The following ZGPAT variants were observed in gnomAD, a reference collection of about 807,000 sequenced individuals.
The protein encoded by ZGPAT is zinc finger CCCH-type and G-patch domain containing.
Under a neutral mutation model 47.9 loss-of-function variants are expected in ZGPAT, and 39 were observed. The observed-to-expected ratio is 0.81, with a 90% confidence interval of 0.63 to 1.06. The LOEUF (loss-of-function observed/expected upper bound fraction) is 1.06. ZGPAT is among the 50% of genes least tolerant of loss of function. The pLI, the probability that ZGPAT is intolerant of heterozygous loss-of-function variation, is 0.00. For missense variants in ZGPAT, 717 were observed against 681.4 expected, an observed-to-expected ratio of 1.05 and a Z score of -0.58; for synonymous variants, 348 against 292.9, an observed-to-expected ratio of 1.19 and a Z score of -1.92.
intron 2 of ZGPAT, among the ~76,000 whole-genome samples, chr20:63,715,860 G>A (rs2091723215): frequency 6.6e-6 from 1 of 150,712 alleles, no homozygotes; most frequent in African/African-American, 2.4e-5. Flanking sequence ...AGAGAGAGAT[G>A]GACTTTTCTT....
chr20:63,717,774 G>A (rs1375527014), intron 2 of ZGPAT, among the ~76,000 whole-genome samples: 1 of 152,138 alleles, frequency 6.6e-6, no homozygotes, highest in Non-Finnish European at 1.5e-5. Context: ...CAGGCACAGT[G>A]GCTCACACCT....
At chr20:63,721,362 A>T (rs1424493874) in intron 2 of ZGPAT, among the ~76,000 whole-genome samples, 3 of 151,922 alleles carry the variant, frequency 2.0e-5, no homozygotes, top group African/African-American at 7.3e-5. Context: ...AAATAAAAAA[A>T]AAAAAAAAAA....
At chr20:63,716,773 C>T (rs1368872817) in intron 2 of ZGPAT, among the ~76,000 whole-genome samples, 1 of 152,138 alleles carries the variant, frequency 6.6e-6, no homozygotes, top group East Asian at 1.9e-4. Flanking sequence ...CCTCCGACTC[C>T]CAGATTCCAG....
chr20:63,707,603 C>G (rs1176337301), upstream of ZGPAT: 1 of 153,594 alleles, frequency 6.5e-6, no homozygotes, highest in African/African-American at 2.4e-5. Flanking sequence ...GGGGACGGCC[C>G]TGGGGGGAGC....
intron 2 of ZGPAT, among the ~76,000 whole-genome samples, chr20:63,732,427 AT>A (rs2091921121): frequency 3.4e-5 from 1 of 29,758 alleles, no homozygotes; most frequent in East Asian, 5.0e-4. Flanking sequence ...TGGGTGAGAG[AT>A]GTGTGCGCAT....
intron 2 of ZGPAT, among the ~76,000 whole-genome samples, chr20:63,729,038 T>G (rs1452614813): frequency 1.3e-5 from 2 of 150,802 alleles, no homozygotes; most frequent in Non-Finnish European, 3.0e-5. Context: ...TTTTTTCTTT[T>G]TTTTTTTTTT....
intron 2 of ZGPAT, among the ~76,000 whole-genome samples, chr20:63,728,501 C>T (rs1277921084): frequency 6.6e-6 from 1 of 152,138 alleles, no homozygotes; most frequent in Non-Finnish European, 1.5e-5. Context: ...TCAGCCAGCC[C>T]CTCTCTCTTT....
Position 63,708,653 on chromosome 20 carries a change from G to A in ZGPAT, c.73G>A (p.Gly25Ser). 1 of 1,612,546 alleles carries A rather than the reference G, an allele frequency of 6.2e-7. No homozygotes were observed. Among genetic ancestry groups the A allele is most frequent in the Non-Finnish European group, 8.5e-7 (1 of 1,179,758 alleles). ...AQLQQVELAL[G>S]AGLDSSEQAD... is the part of the protein sequence containing the mutation. ...GCTGCAGCAGGTGGAGCTGGCCTTG[G>A]GCGCCGGCCTGGATTCGTCTGAGCA... Residue 25 changes from glycine to serine, a missense_variant, in exon 2 of 7, where the codon GGC becomes AGC. Gly to Ser is a moderately conservative substitution (Grantham distance 56). Coordinates refer to ENST00000355969, the MANE Select transcript of ZGPAT (RefSeq NM_181485.3).
At chr20:63,723,167 A>T (rs111284425) in intron 2 of ZGPAT, among the ~76,000 whole-genome samples, 1 of 128,894 alleles carries the variant, frequency 7.8e-6, no homozygotes. Context: ...TTCTCCTATG[A>T]CACAGCTCCA....
chr20:63,733,960 G>A lies in ZGPAT; in HGVS notation c.871+221G>A. ...GCAACAGCTACAGTCTCATTGATGG[G>A]AGGCCATGGTCGTGGCTGTGGCCAT... On this transcript the variant is annotated intron_variant, in intron 4 of 6. Coordinates refer to ENST00000355969, the MANE Select transcript of ZGPAT (RefSeq NM_181485.3). 3 of 604,346 alleles carry A rather than the reference G, an allele frequency of 5.0e-6. No individual in the cohort carries two copies. In the South Asian group the frequency reaches 6.2e-5, roughly 13 times the overall value. The allele number at this position is 604,346 out of a possible 1,614,324, so 37.4% of individuals were successfully genotyped here. A position where few individuals can be genotyped will look rare whatever the true frequency, so the allele number is the denominator to read the frequency against.
intron 2 of ZGPAT, among the ~76,000 whole-genome samples, chr20:63,731,572 G>T (rs2091903963): frequency 6.7e-6 from 1 of 149,132 alleles, no homozygotes; most frequent in East Asian, 2.1e-4. Flanking sequence ...GTGTGTATGT[G>T]TGCATGTGCA....
intron 2 of ZGPAT, among the ~76,000 whole-genome samples, chr20:63,714,294 T>C (rs2091703132): frequency 6.6e-6 from 1 of 151,538 alleles, no homozygotes. Flanking sequence ...GGTGAGGTGA[T>C]GTGCACCTGT....
At chr20:63,719,193 TTCTC>T (rs2091762871) in intron 2 of ZGPAT, among the ~76,000 whole-genome samples, 1 of 152,194 alleles carries the variant, frequency 6.6e-6, no homozygotes, top group African/African-American at 2.4e-5. Flanking sequence ...TTTTAGGAGA[TTCTC>T]TATCTTTGGG....
Position 63,733,105 on chromosome 20 carries a change from CGT to C in ZGPAT, c.585-107_585-106del, listed in dbSNP as rs1046537977. 604 of 1,387,612 alleles carry C rather than the reference CGT, an allele frequency of 4.4e-4. 11 individuals are homozygous for C. In the East Asian group the frequency reaches 0.012, roughly 27 times the overall value. 86.0% of individuals were successfully genotyped at this position (1,387,612 alleles called of 1,614,324 possible). A position where few individuals can be genotyped will look rare whatever the true frequency, so the allele number is the denominator to read the frequency against. ...GTGAGAGTGTGTATGTATACGCACG[CGT>C]GTGTGTCTGTCTCCCTCAGGACAGT... On this transcript the variant is annotated intron_variant, in intron 2 of 6. Transcript: ENST00000355969.
chr20:63,723,935 G>T (rs989546416), intron 2 of ZGPAT, among the ~76,000 whole-genome samples: 1 of 151,960 alleles, frequency 6.6e-6, no homozygotes, highest in Admixed American at 6.6e-5. Flanking sequence ...GTCTGGCATG[G>T]TGGCACGCGC....
intron 2 of ZGPAT, among the ~76,000 whole-genome samples, chr20:63,720,316 T>C (rs1370577250): frequency 6.6e-6 from 1 of 152,086 alleles, no homozygotes; most frequent in Non-Finnish European, 1.5e-5. Context: ...CCACCACTCC[T>C]GGCTAATTTT....
chr20:63,728,921 A>G (rs2091869848), intron 2 of ZGPAT, among the ~76,000 whole-genome samples: 1 of 152,216 alleles, frequency 6.6e-6, no homozygotes, highest in Admixed American at 6.5e-5. Flanking sequence ...TTTTTCAAGA[A>G]GAATCTCTTC....
In ZGPAT at chr20:63,710,471, C is replaced by A. The variant is rs141949968; in HGVS notation, c.584+1307C>A. Among the ~76,000 whole-genome samples, 203 of 152,294 alleles carry A rather than the reference C, an allele frequency of 1.3e-3. 1 individual carries two copies. The highest frequency in any genetic ancestry group is 4.8e-3 in the African/African-American group (200 of 41,562). On this transcript the variant is annotated intron_variant, in intron 2 of 6. Coordinates refer to ENST00000355969, the MANE Select transcript of ZGPAT (RefSeq NM_181485.3). Reference sequence around the variant, plus strand: ...CTGGCCCTGTTGTTAGTTTTATTCTCTAGAGTTCAACTTTTAAATTTTACT... The same window carrying A: ...CTGGCCCTGTTGTTAGTTTTATTCTATAGAGTTCAACTTTTAAATTTTACT...
In ZGPAT at chr20:63,718,625, A is replaced by G. The variant is rs563581229; in HGVS notation, c.584+9461A>G. Reference sequence around the variant, plus strand: ...CGTGAAACACCATGCCCAGCCCCCAATTTTTTTTTTTTAATAGAGAGAAGG... The same window carrying G: ...CGTGAAACACCATGCCCAGCCCCCAGTTTTTTTTTTTTAATAGAGAGAAGG... On this transcript the variant is annotated intron_variant, in intron 2 of 6. Coordinates refer to ENST00000355969, the MANE Select transcript of ZGPAT (RefSeq NM_181485.3). 7.6e-5 allele frequency among the ~76,000 whole-genome samples: 11 copies of G among 145,318 alleles called. No individual in the cohort carries two copies. In the South Asian group the frequency reaches 1.7e-3, roughly 23 times the overall value.
Sources: allele counts gnomAD v4.1 joint callset (sites outside exome capture counted in the v4.1 genomes callset), GRCh38; gene constraint gnomAD v4.1.1; transcripts MANE v1.5; gene names NCBI Gene and HGNC (gene_info 2026-07-23, HGNC 2026-07-21).